Variants in PIK3R3 observed in about 807,000 individuals in gnomAD.
The protein encoded by PIK3R3 is phosphatidylinositol 3-kinase regulatory subunit gamma.
Under a neutral mutation model 62.9 loss-of-function variants are expected in PIK3R3, and 64 were observed. The observed-to-expected ratio is 1.02, with a 90% CI of 0.83 to 1.25. The LOEUF (loss-of-function observed/expected upper bound fraction) is 1.25. PIK3R3 is among the 50% of genes most tolerant of loss of function. The pLI is 0.00. For synonymous variants in PIK3R3, 165 were observed against 189.0 expected (o/e 0.87, Z 1.04); for missense variants, 614 against 561.6 (o/e 1.09, Z -0.94).
At chr1:46,154,040 C>T in the PIK3R3 span, among the ~76,000 whole-genome samples, 1 of 152,180 alleles carries the variant, frequency 6.6e-6, no homozygotes, top group African/African-American at 2.4e-5. Flanking sequence ...AAAGACACTG[C>T]ATGTACAGTG....
At chr1:46,074,212 C>G (rs1649825239) in intron 3 of PIK3R3, among the ~76,000 whole-genome samples, 2 of 133,960 alleles carry the variant, frequency 1.5e-5, no homozygotes, top group Non-Finnish European at 3.1e-5. Context: ...ATGGTGGGAA[C>G]CTGGGAGGCG....
the PIK3R3 span, among the ~76,000 whole-genome samples, chr1:46,165,154 T>C: frequency 2.0e-5 from 3 of 152,190 alleles, no homozygotes; most frequent in African/African-American, 7.2e-5. Flanking sequence ...ATTTCTACTC[T>C]TCCAGAAGAC....
chr1:46,105,837 T>G (rs6662641), intron 1 of PIK3R3, among the ~76,000 whole-genome samples: 1 of 151,402 alleles, frequency 6.6e-6, no homozygotes, highest in African/African-American at 2.4e-5. Flanking sequence ...AGAGCAAAAC[T>G]CCGCCTCAAA....
At chr1:46,140,843 T>C in the PIK3R3 span, among the ~76,000 whole-genome samples, 1 of 151,764 alleles carries the variant, frequency 6.6e-6, no homozygotes, top group East Asian at 1.9e-4. Flanking sequence ...TTGTTTTTTG[T>C]TTTTTTGTTT....
At chr1:46,072,958 AATAT>A (rs56768076) in intron 3 of PIK3R3, among the ~76,000 whole-genome samples, 32 of 146,800 alleles carry the variant, frequency 2.2e-4, no homozygotes, top group Admixed American at 4.1e-4. Flanking sequence ...AATATAAATA[AATAT>A]ATATATATAT....
intron 6 of PIK3R3, 89 bp downstream of exon 6, chr1:46,061,840 A>C: frequency 1.6e-6 from 2 of 1,237,572 alleles, no homozygotes; most frequent in Non-Finnish European, 2.4e-6. Context: ...GTGCAGTTTG[A>C]GGGGGTAAAA....
rs1241154634 is a variant in PIK3R3 at position 46,117,249 on chromosome 1, ACAG to A, written c.106+14595_106+14597del. ...GGAGTTCAAGACCAGCATGGGCCACACAGTAAGACCTCATCCCTACAAAAAATC... is the reference window on the plus strand; with the variant it reads ...GGAGTTCAAGACCAGCATGGGCCACATAAGACCTCATCCCTACAAAAAATC... On this transcript the variant is annotated intron_variant, in intron 1 of 9. Transcript: ENST00000262741. 3.0e-4 allele frequency among the ~76,000 whole-genome samples: 45 copies of A among 152,098 alleles called. 1 individual carries two copies. Among genetic ancestry groups the A allele is most frequent in the Admixed American group, 3.0e-3 (45 of 15,238 alleles).
At chr1:46,137,750 G>A (rs1301364104), upstream of PIK3R3, among the ~76,000 whole-genome samples, 1 of 152,094 alleles carries the variant, frequency 6.6e-6, no homozygotes, top group Non-Finnish European at 1.5e-5. Flanking sequence ...AACCATCAAT[G>A]CCCAGCCCAA....
chr1:46,077,786 G>A (rs1464164452), intron 2 of PIK3R3, among the ~76,000 whole-genome samples, 173 bp from the exon 3 acceptor site: 1 of 152,246 alleles, frequency 6.6e-6, no homozygotes, highest in South Asian at 2.1e-4. Context: ...CATTAAATAT[G>A]CTCTTTCTGT....
At chr1:46,137,899 T>C (rs1655986097), upstream of PIK3R3, among the ~76,000 whole-genome samples, 1 of 152,246 alleles carries the variant, frequency 6.6e-6, no homozygotes, top group Non-Finnish European at 1.5e-5. Flanking sequence ...CAGCTGACTT[T>C]GTTTATTTAA....
chr1:46,049,247 CAAGT>C (rs1052485001), intron 7 of PIK3R3, among the ~76,000 whole-genome samples: 4 of 151,594 alleles, frequency 2.6e-5, no homozygotes, highest in Non-Finnish European at 5.9e-5. Context: ...CCTACCCCAG[CAAGT>C]AAGGGAAAAA....
chr1:46,058,990 AC>A (rs1381885732), intron 6 of PIK3R3, among the ~76,000 whole-genome samples: 1 of 152,232 alleles, frequency 6.6e-6, no homozygotes, highest in Non-Finnish European at 1.5e-5. Context: ...CATAATTCCC[AC>A]ATGCTGTGGG....
At chr1:46,173,431 G>A in the PIK3R3 span, among the ~76,000 whole-genome samples, 1 of 152,202 alleles carries the variant, frequency 6.6e-6, no homozygotes, top group South Asian at 2.1e-4. Flanking sequence ...CACATAGCAG[G>A]CACTGTTGAC....
the PIK3R3 span, among the ~76,000 whole-genome samples, chr1:46,146,826 G>A: frequency 6.6e-6 from 1 of 151,370 alleles, no homozygotes; most frequent in African/African-American, 2.4e-5. Context: ...ATCTGCCATG[G>A]ACCACACAGT....
intron 1 of PIK3R3, among the ~76,000 whole-genome samples, chr1:46,111,672 C>T (rs1653756098): frequency 6.6e-6 from 1 of 152,010 alleles, no homozygotes; most frequent in African/African-American, 2.4e-5. Flanking sequence ...TTGCAGTGAG[C>T]TGAGATCACA....
chr1:46,137,970 A>G (rs896009139), upstream of PIK3R3, among the ~76,000 whole-genome samples: 5 of 152,226 alleles, frequency 3.3e-5, no homozygotes, highest in African/African-American at 4.8e-5. Context: ...CAAGAGGGGC[A>G]GACAATGACC....
chr1:46,087,592 C>CTTTTT (rs35296719), intron 1 of PIK3R3, among the ~76,000 whole-genome samples: 61 of 100,304 alleles, frequency 6.1e-4, no homozygotes, highest in South Asian at 1.1e-3. Flanking sequence ...ACATATTCAT[C>CTTTTT]TTTTTTTTTT....
At chr1:46,064,519 C>T (rs554334555) in intron 5 of PIK3R3, among the ~76,000 whole-genome samples, 134 of 151,922 alleles carry the variant, frequency 8.8e-4, no homozygotes, top group African/African-American at 2.9e-3. Flanking sequence ...CCAGCCTGGG[C>T]GACAGAGCAA....
intron 1 of PIK3R3, among the ~76,000 whole-genome samples, chr1:46,102,848 CAAAG>C (rs1015014032): frequency 2.5e-4 from 29 of 115,278 alleles, no homozygotes; most frequent in Non-Finnish European, 2.4e-4. Context: ...AGCAGAGTCT[CAAAG>C]AGACATTATA....
Sources: gnomAD v4.1 joint callset for allele counts (sites outside exome capture counted in the v4.1 genomes callset) on GRCh38, gnomAD v4.1.1 for gene constraint, MANE v1.5 for transcripts, NCBI Gene and HGNC (gene_info 2026-07-23, HGNC 2026-07-21) for gene names.